EFCAB10: variants seen among roughly 807,000 people sequenced by gnomAD.
EFCAB10 encodes the protein EF-hand calcium-binding domain-containing protein 10.
In EFCAB10, 7 loss-of-function variants were observed where a neutral mutation model predicts 7.7. The observed-to-expected ratio is 0.91, with a 90% CI of 0.52 to 1.72. The LOEUF is 1.72. Ranked by LOEUF, EFCAB10 falls within the 40% of genes most tolerant of loss-of-function variation. EFCAB10 has a pLI of 0.00. For missense variants in EFCAB10, 112 were observed against 61.5 expected (o/e 1.82, Z -2.74); for synonymous variants, 52 against 21.0 (o/e 2.47, Z -4.03).
Position 105,565,406 on chromosome 7 carries a change from A to C in EFCAB10, c.*41T>G, listed in dbSNP as rs754306128. 5 of 1,614,156 alleles carry C rather than the reference A, an allele frequency of 3.1e-6. No individual in the cohort carries two copies. The highest frequency in any genetic ancestry group is 2.2e-5 in the South Asian group (2 of 91,082). ...AGCAGCTTTGTTTCTCCTTATTTAA[A>C]ATTTTCTGGCAAATGCTTGTAGAGA... On this transcript the variant is annotated 3_prime_UTR_variant, in exon 5 of 5. Transcript: ENST00000480514.
intron 3 of EFCAB10, among the ~76,000 whole-genome samples, chr7:105,568,357 C>T (rs985860899): frequency 2.0e-5 from 3 of 152,178 alleles, no homozygotes; most frequent in African/African-American, 4.8e-5. Context: ...AAACTTTCCA[C>T]AACTATTAAA....
intron 1 of EFCAB10, chr7:105,573,602 A>G (rs1792000347): frequency 6.6e-6 from 1 of 152,224 alleles, no homozygotes; most frequent in Admixed American, 6.5e-5. Flanking sequence ...GGAAGAGCCA[A>G]ATGTTACTAA....
At position 105,567,179 on chromosome 7, in the gene EFCAB10, TG is replaced by T. The variant is rs758122010; in HGVS notation, c.383+287del. The stretch of plus-strand genomic sequence containing the variant: ...TCGGTTCTGCACTACTGCTGAAAGA[TG>T]TACTGCAGTCAGCTTCAGGGCAGCT... On this transcript the variant is annotated intron_variant, in intron 4 of 4. Transcript: ENST00000480514. 1.9e-6 allele frequency: 3 copies of T among 1,608,522 alleles called. No individual in the cohort carries two copies. Among genetic ancestry groups the T allele is most frequent in the Non-Finnish European group, 2.5e-6 (3 of 1,178,548 alleles).
At chr7:105,570,981 C>A (rs145272432) in intron 1 of EFCAB10, 9 of 151,626 alleles carry the variant, frequency 5.9e-5, no homozygotes, top group Non-Finnish European at 7.4e-5. Flanking sequence ...GCTGAGATTG[C>A]GCCACAGCAC....
chr7:105,568,578 G>A (rs1487137731), intron 3 of EFCAB10, among the ~76,000 whole-genome samples: 2 of 152,128 alleles, frequency 1.3e-5, no homozygotes, highest in African/African-American at 4.8e-5. Flanking sequence ...AGCTCAAAAT[G>A]TTTCTGTTTG....
chr7:105,569,243 C>T lies in EFCAB10; in HGVS notation c.319G>A (p.Asp107Asn), dbSNP rs1341837431. ...LCTEDEDLQD[D>N]GHKITLDKFK... is the part of the protein sequence containing the mutation. ...TTATCCAAAGTTATTTTATGTCCAT[C>T]ATCTTGTAAATCTTCATCTTCAGTG... Residue 107 changes from aspartate (D) to asparagine (N), a missense_variant, in exon 3 of 5, where the codon GAT (aspartate) becomes AAT (asparagine). By Grantham distance (23) the Asp-to-Asn change is conservative. Transcript: ENST00000480514. 2.8e-6 allele frequency: 2 copies of T among 702,108 alleles called. No individual in the cohort carries two copies. Among genetic ancestry groups the T allele is most frequent in the Middle Eastern group, 2.7e-4 (1 of 3,744 alleles). 43.5% of individuals were successfully genotyped at this position (702,108 alleles called of 1,614,324 possible). A position where few individuals can be genotyped will look rare whatever the true frequency, so the allele number is the denominator to read the frequency against.
At chr7:105,570,649 G>A (rs1170795714) in intron 1 of EFCAB10, among the ~76,000 whole-genome samples, 4 of 151,908 alleles carry the variant, frequency 2.6e-5, no homozygotes, top group African/African-American at 9.7e-5. Flanking sequence ...GGCTCAAGCA[G>A]TCCTCCCACC....
rs2133475136 is a variant in EFCAB10 at position 105,565,291 on chromosome 7, C to T, written c.*156G>A. On this transcript the variant is annotated 3_prime_UTR_variant, in exon 5 of 5. Transcript: ENST00000480514. ...GTTTTTTCCAGATGGTTGTCCTTGC[C>T]ATCTCAGTCAGAGCAGGCAGTGATG... The T allele has an allele frequency of 6.3e-7, 1 of 1,588,996 alleles. No individual in the cohort carries two copies. The highest frequency in any genetic ancestry group is 8.6e-7 in the Non-Finnish European group (1 of 1,164,688).
At chr7:105,579,414 G>A (rs1586294832) in intron 1 of EFCAB10, among the ~76,000 whole-genome samples, 2 of 152,114 alleles carry the variant, frequency 1.3e-5, no homozygotes, top group South Asian at 4.1e-4. Context: ...GTAATGAGAG[G>A]ACAGCTGTAC....
chr7:105,578,691 G>T (rs1167940258), intron 1 of EFCAB10, among the ~76,000 whole-genome samples: 1 of 152,148 alleles, frequency 6.6e-6, no homozygotes, highest in Non-Finnish European at 1.5e-5. Flanking sequence ...GAATTCTTCA[G>T]AGCAACATGA....
chr7:105,570,487 A>T (rs1791921381), intron 1 of EFCAB10, among the ~76,000 whole-genome samples: 1 of 151,812 alleles, frequency 6.6e-6, no homozygotes, highest in Non-Finnish European at 1.5e-5. Context: ...GAAAAAGCCA[A>T]AAAGAGTAGT....
chr7:105,570,808 A>G (rs111705675), intron 1 of EFCAB10, among the ~76,000 whole-genome samples: 12,111 of 152,118 alleles, frequency 0.08, 524 homozygotes, highest in East Asian at 0.12. Flanking sequence ...GTGGATCATG[A>G]GGTCGGGAGA....
At chr7:105,568,179 G>A (rs1791840977) in intron 3 of EFCAB10, among the ~76,000 whole-genome samples, 2 of 152,134 alleles carry the variant, frequency 1.3e-5, no homozygotes, top group African/African-American at 4.8e-5. Flanking sequence ...ATGTGGTAGG[G>A]AATGTAATTA....
chr7:105,567,707 C>T (rs1791828959), intron 3 of EFCAB10: 1 of 490,074 alleles, frequency 2.0e-6, no homozygotes, highest in Non-Finnish European at 3.6e-6. Flanking sequence ...ATTGAGGCAC[C>T]TGTATCTAGT....
At chr7:105,570,282 CAT>C (rs1339891886) in intron 1 of EFCAB10, among the ~76,000 whole-genome samples, 7 of 115,706 alleles carry the variant, frequency 6.0e-5, no homozygotes, top group African/African-American at 1.9e-4. Context: ...CACACACACA[CAT>C]ACATATACAC....
At position 105,570,211 on chromosome 7, in the gene EFCAB10, C is replaced by CAA. The variant is rs1178986135; in HGVS notation, c.107-642_107-641dup. Among the ~76,000 whole-genome samples the CAA allele has an allele frequency of 1.2e-3, 21 of 17,350 alleles. 2 individuals carry two copies. Among genetic ancestry groups the CAA allele is most frequent in the African/African-American group, 2.7e-3 (17 of 6,378 alleles). 11.4% of individuals were successfully genotyped at this position (17,350 alleles called of 152,430 possible). Reference sequence around the variant, plus strand: ...CCTGGGCAACAGAGCAAGACTCTCTCAAAAAAAAAAAAAAAAAAAAAAAAA... The same window carrying CAA: ...CCTGGGCAACAGAGCAAGACTCTCTCAAAAAAAAAAAAAAAAAAAAAAAAAAA... On this transcript the variant is annotated intron_variant, in intron 1 of 4. Transcript: ENST00000480514.
intron 4 of EFCAB10, chr7:105,567,165 C>A (rs1227583909): frequency 1.9e-6 from 3 of 1,603,222 alleles, no homozygotes; most frequent in Non-Finnish European, 2.5e-6. Context: ...CGGTTCTGCA[C>A]TACTGCTGAA....
intron 1 of EFCAB10, among the ~76,000 whole-genome samples, chr7:105,570,734 TTAAG>T (rs1283286738): frequency 1.3e-5 from 2 of 152,098 alleles, no homozygotes; most frequent in Admixed American, 6.5e-5. Context: ...TTTCAAAAAT[TTAAG>T]TAACAGCTGG....
intron 1 of EFCAB10, among the ~76,000 whole-genome samples, chr7:105,576,593 C>T (rs982899182): frequency 4.6e-5 from 7 of 152,146 alleles, no homozygotes; most frequent in African/African-American, 1.7e-4. Context: ...CAGGTGCCTC[C>T]CACCATGCTT....
Sources: gnomAD v4.1 joint callset for allele counts (sites outside exome capture counted in the v4.1 genomes callset) on GRCh38, gnomAD v4.1.1 for gene constraint, MANE v1.5 for transcripts, NCBI Gene and HGNC (gene_info 2026-07-23, HGNC 2026-07-21) for gene names.